MKLN1: variants seen among roughly 807,000 people sequenced by gnomAD.
The protein encoded by MKLN1 is muskelin.
Under a neutral mutation model 99.0 loss-of-function variants are expected in MKLN1, and 18 were observed. The ratio of observed to expected loss-of-function variants is 0.18; its 90% CI spans 0.13 to 0.27. The LOEUF is 0.27. Among genes scored for constraint, MKLN1 ranks in the 10% least tolerant of loss-of-function variants. The pLI, the probability that MKLN1 is intolerant of heterozygous loss-of-function variation, is 1.00. For synonymous variants in MKLN1, 288 were observed against 293.2 expected, an observed-to-expected ratio of 0.98 and a Z score of 0.18; for missense variants, 621 against 875.9, an observed-to-expected ratio of 0.71 and a Z score of 3.67.
intron 1 of MKLN1, among the ~76,000 whole-genome samples, chr7:131,137,041 C>T (rs985453830): frequency 3.9e-5 from 6 of 152,112 alleles, no homozygotes; most frequent in Admixed American, 6.5e-5. Flanking sequence ...CACCCAGCTA[C>T]GGGGTCTCCC....
intron 2 of MKLN1, among the ~76,000 whole-genome samples, chr7:131,146,377 G>A (rs1300902454): frequency 6.6e-6 from 1 of 152,024 alleles, no homozygotes; most frequent in Non-Finnish European, 1.5e-5. Context: ...TAAAGTATAA[G>A]GACTTTCACT....
chr7:131,312,353 C>A (rs1368636813), intron 3 of MKLN1, among the ~76,000 whole-genome samples: 1 of 152,136 alleles, frequency 6.6e-6, no homozygotes, highest in African/African-American at 2.4e-5. Flanking sequence ...ATTTCTATAA[C>A]CTTTAAAAAT....
At chr7:131,139,091 C>T (rs1795693583) in intron 1 of MKLN1, among the ~76,000 whole-genome samples, 1 of 152,080 alleles carries the variant, frequency 6.6e-6, no homozygotes, top group Non-Finnish European at 1.5e-5. Flanking sequence ...CCAACCAGGC[C>T]CAGGGCTTTC....
chr7:131,246,301 A>G (rs1355507645), intron 3 of MKLN1, among the ~76,000 whole-genome samples: 4 of 152,162 alleles, frequency 2.6e-5, no homozygotes, highest in African/African-American at 9.7e-5. Flanking sequence ...TTCCAAGTGC[A>G]CTTGGCTTTC....
chr7:131,184,747 G>C (rs1385769658), intron 2 of MKLN1, among the ~76,000 whole-genome samples: 2 of 152,066 alleles, frequency 1.3e-5, no homozygotes, highest in African/African-American at 4.8e-5. Flanking sequence ...GGCTAGTCTC[G>C]AACTCCTGAC....
chr7:131,181,761 G>A (rs1380618095), intron 2 of MKLN1, among the ~76,000 whole-genome samples: 6 of 151,544 alleles, frequency 4.0e-5, no homozygotes, highest in African/African-American at 1.5e-4. Flanking sequence ...CTGGGTTCAA[G>A]CAATTATCCT....
intron 3 of MKLN1, among the ~76,000 whole-genome samples, chr7:131,313,452 G>C (rs1029965815): frequency 6.6e-6 from 1 of 152,144 alleles, no homozygotes; most frequent in African/African-American, 2.4e-5. Flanking sequence ...TCATGAGACT[G>C]GTAAAACTCA....
chr7:131,330,855 GCAGATT>G (rs943942295), intron 1 of MKLN1, among the ~76,000 whole-genome samples: 2 of 152,004 alleles, frequency 1.3e-5, no homozygotes, highest in African/African-American at 4.8e-5. Context: ...AAATGTTAAA[GCAGATT>G]CAGTTATAGG....
At chr7:131,416,349 A>G (rs1055131975) in intron 8 of MKLN1, among the ~76,000 whole-genome samples, 2 of 152,136 alleles carry the variant, frequency 1.3e-5, no homozygotes, top group African/African-American at 2.4e-5. Context: ...AGACAAAAAA[A>G]TTTTCCTCTT....
At chr7:131,124,174 G>A in intron 1 of MKLN1, among the ~76,000 whole-genome samples, 1 of 152,156 alleles carries the variant, frequency 6.6e-6, no homozygotes, top group East Asian at 1.9e-4. Flanking sequence ...GTAGTACCTG[G>A]GAAATGGTAG....
intron 8 of MKLN1, among the ~76,000 whole-genome samples, chr7:131,426,940 A>G (rs1427585246): frequency 6.6e-6 from 1 of 152,048 alleles, no homozygotes; most frequent in African/African-American, 2.4e-5. Flanking sequence ...TTTTTGGTAG[A>G]GACGGGATTT....
chr7:131,402,452 T>C (rs1171467558), intron 6 of MKLN1, among the ~76,000 whole-genome samples: 2 of 152,210 alleles, frequency 1.3e-5, no homozygotes, highest in Non-Finnish European at 1.5e-5. Context: ...TTCCAAACTC[T>C]TGTTTATGTT....
At chr7:131,293,610 A>G (rs550734240) in intron 3 of MKLN1, among the ~76,000 whole-genome samples, 1 of 152,274 alleles carries the variant, frequency 6.6e-6, no homozygotes, top group South Asian at 2.1e-4. Flanking sequence ...GGAATTCCAG[A>G]CCAGCCTGGG....
chr7:131,249,825 A>T (rs1352874176), intron 3 of MKLN1, among the ~76,000 whole-genome samples: 2 of 152,072 alleles, frequency 1.3e-5, no homozygotes, highest in African/African-American at 2.4e-5. Flanking sequence ...GGGGCAGGAG[A>T]TGCTGCTGGA....
chr7:131,279,959 A>G (rs1798027539), intron 3 of MKLN1, among the ~76,000 whole-genome samples: 1 of 151,884 alleles, frequency 6.6e-6, no homozygotes, highest in South Asian at 2.1e-4. Context: ...CCTTGTTCCC[A>G]TTCCCCACCC....
intron 3 of MKLN1, among the ~76,000 whole-genome samples, chr7:131,294,951 A>T (rs1239071554): frequency 6.6e-6 from 1 of 152,190 alleles, no homozygotes; most frequent in Non-Finnish European, 1.5e-5. Context: ...GGTCACCCAG[A>T]GGACGACGGG....
At chr7:131,385,483 A>G (rs1793986216) in intron 2 of MKLN1, among the ~76,000 whole-genome samples, 1 of 152,176 alleles carries the variant, frequency 6.6e-6, no homozygotes, top group African/African-American at 2.4e-5. Flanking sequence ...CCTGCCAGCA[A>G]TGCATGAGAG....
intron 1 of MKLN1, among the ~76,000 whole-genome samples, chr7:131,120,745 C>G (rs2116194089): frequency 6.6e-6 from 1 of 152,262 alleles, no homozygotes; most frequent in South Asian, 2.1e-4. Flanking sequence ...CCACCTCAGC[C>G]AGGACTTCAC....
intron 2 of MKLN1, among the ~76,000 whole-genome samples, chr7:131,174,097 C>T (rs992156111): frequency 6.6e-6 from 1 of 151,768 alleles, no homozygotes; most frequent in African/African-American, 2.4e-5. Context: ...CTCAGCCTCC[C>T]GAGTAGCTGG....
Sources: gnomAD v4.1 joint callset for allele counts (sites outside exome capture counted in the v4.1 genomes callset) on GRCh38, gnomAD v4.1.1 for gene constraint, MANE v1.5 for transcripts, NCBI Gene and HGNC (gene_info 2026-07-23, HGNC 2026-07-21) for gene names.